Variants in ALK observed in about 807,000 individuals in gnomAD.
ALK encodes ALK receptor tyrosine kinase.
In ALK, 74 loss-of-function variants were observed where a neutral mutation model predicts 163.1. The ratio of observed to expected loss-of-function variants is 0.45; its 90% confidence interval spans 0.38 to 0.55. ALK has a LOEUF of 0.55. Among genes scored for constraint, ALK ranks in the 20% least tolerant of loss-of-function variants. ALK has a pLI of 0.00. For synonymous variants in ALK, 960 were observed against 843.2 expected (o/e 1.14, Z -2.40); for missense variants, 2,063 against 2,105.3 (o/e 0.98, Z 0.39).
intron 1 of ALK, among the ~76,000 whole-genome samples, chr2:29,823,032 AG>A (rs1309459114): frequency 6.6e-6 from 1 of 152,134 alleles, no homozygotes; most frequent in Admixed American, 6.5e-5. Flanking sequence ...GTGTTATGGG[AG>A]GGACCCCATG....
intron 2 of ALK, among the ~76,000 whole-genome samples, chr2:29,703,940 C>T (rs1304720545): frequency 6.6e-6 from 1 of 152,148 alleles, no homozygotes; most frequent in Non-Finnish European, 1.5e-5. Flanking sequence ...TTCTGAATGT[C>T]ACCTCTTCAG....
intron 4 of ALK, among the ~76,000 whole-genome samples, chr2:29,503,682 T>C (rs891896619): frequency 6.6e-6 from 1 of 152,080 alleles, no homozygotes. Flanking sequence ...GGCAGAGACC[T>C]AAAACAGCTG....
At position 29,296,987 on chromosome 2, in the gene ALK, G is replaced by A. The variant is rs1666205088; in HGVS notation, c.1718C>T (p.Thr573Ile). 11 of 1,614,192 alleles carry A rather than the reference G, an allele frequency of 6.8e-6. No individual in the cohort carries two copies. In the East Asian group the frequency reaches 2.5e-4, roughly 36 times the overall value. Residue 573 changes from threonine to isoleucine, a missense_variant, in exon 9 of 29, where the codon ACC becomes ATC. Coordinates refer to ENST00000389048, the MANE Select transcript of ALK (RefSeq NM_004304.5). ...GACCATCCTGCCTTGCTCCTTCCCG[G>A]TTTTGTTCTCCACTAGCACCAAGGA... ...NVSLVLVENK[T>I]GKEQGRMVWH... is the part of the protein sequence containing the mutation.
At chr2:29,765,094 C>T (rs1380774159) in intron 1 of ALK, among the ~76,000 whole-genome samples, 5 of 152,134 alleles carry the variant, frequency 3.3e-5, no homozygotes, top group Non-Finnish European at 7.3e-5. Flanking sequence ...TTCCTGAGGC[C>T]TCCCCAGAAG....
intron 8 of ALK, among the ~76,000 whole-genome samples, chr2:29,304,607 G>T (rs1373112969): frequency 6.6e-6 from 1 of 152,082 alleles, no homozygotes; most frequent in Non-Finnish European, 1.5e-5. Context: ...GAATGCACTG[G>T]AACCACCTGC....
intron 3 of ALK, among the ~76,000 whole-genome samples, chr2:29,544,627 A>G (rs1673504562): frequency 6.6e-6 from 1 of 152,006 alleles, no homozygotes; most frequent in Non-Finnish European, 1.5e-5. Context: ...ATAAATATCT[A>G]TGTGTATGTC....
At chr2:29,325,104 T>C (rs1471726907) in intron 6 of ALK, among the ~76,000 whole-genome samples, 1 of 152,052 alleles carries the variant, frequency 6.6e-6, no homozygotes, top group Non-Finnish European at 1.5e-5. Context: ...GGGAGTTGAT[T>C]AAATGCAACC....
At chr2:29,589,041 A>T (rs1447481245) in intron 3 of ALK, among the ~76,000 whole-genome samples, 1 of 152,178 alleles carries the variant, frequency 6.6e-6, no homozygotes, top group Non-Finnish European at 1.5e-5. Flanking sequence ...TAGCCTGAAC[A>T]CACACATGAG....
chr2:29,360,047 A>G (rs1044023624), intron 5 of ALK, among the ~76,000 whole-genome samples: 11 of 152,208 alleles, frequency 7.2e-5, no homozygotes, highest in Admixed American at 2.0e-4. Context: ...ATGGCTATCT[A>G]GAACCTTTTT....
intron 3 of ALK, among the ~76,000 whole-genome samples, chr2:29,663,815 C>T (rs778152091): frequency 9.2e-5 from 14 of 152,022 alleles, no homozygotes; most frequent in South Asian, 2.1e-4. Flanking sequence ...TAGTCTGTAA[C>T]CTATTATGTT....
At chr2:29,301,904 G>A (rs6742676) in intron 8 of ALK, among the ~76,000 whole-genome samples, 112,953 of 152,104 alleles carry the variant, frequency 0.74, 43,027 homozygotes, top group East Asian at 0.84. Context: ...ATCCTTCCTG[G>A]GATTAGTCCT....
chr2:29,467,174 G>A (rs943795828), intron 4 of ALK, among the ~76,000 whole-genome samples: 1 of 151,390 alleles, frequency 6.6e-6, no homozygotes, highest in Non-Finnish European at 1.5e-5. Flanking sequence ...TTGGGATCAT[G>A]AGGACCAAGA....
At chr2:29,493,336 G>A (rs1284740803) in intron 4 of ALK, among the ~76,000 whole-genome samples, 6 of 152,080 alleles carry the variant, frequency 3.9e-5, no homozygotes, top group Admixed American at 6.6e-5. Flanking sequence ...TCCTAATTTC[G>A]CCTCATCCCC....
At chr2:29,477,847 C>T (rs1001800138) in intron 4 of ALK, among the ~76,000 whole-genome samples, 7 of 152,162 alleles carry the variant, frequency 4.6e-5, no homozygotes, top group Non-Finnish European at 8.8e-5. Context: ...GAAATCAGAG[C>T]TGAATGTGAA....
At chr2:29,556,465 G>A (rs533251168) in intron 3 of ALK, among the ~76,000 whole-genome samples, 3 of 152,246 alleles carry the variant, frequency 2.0e-5, no homozygotes, top group South Asian at 4.1e-4. Context: ...TTGTGTTACT[G>A]TCAAGACAAC....
chr2:29,232,169 T>C, intron 15 of ALK, 135 bp downstream of exon 15: 2 of 1,274,314 alleles, frequency 1.6e-6, no homozygotes, highest in Non-Finnish European at 2.3e-6. Flanking sequence ...CCTCCCTGGA[T>C]ATCGGTACCA....
At chr2:29,236,913 C>T (rs1005665411) in intron 13 of ALK, among the ~76,000 whole-genome samples, 1 of 152,180 alleles carries the variant, frequency 6.6e-6, no homozygotes, top group Non-Finnish European at 1.5e-5. Flanking sequence ...TGTCTCCCAT[C>T]GTCCACCTGT....
chr2:29,543,399 T>G (rs750891157), intron 3 of ALK, among the ~76,000 whole-genome samples: 1 of 152,242 alleles, frequency 6.6e-6, no homozygotes, highest in Non-Finnish European at 1.5e-5. Context: ...ATAATTTGCC[T>G]GATGGACAGT....
intron 3 of ALK, among the ~76,000 whole-genome samples, chr2:29,616,892 C>T (rs1675863204): frequency 6.6e-6 from 1 of 152,152 alleles, no homozygotes; most frequent in African/African-American, 2.4e-5. Context: ...AAAGCCCTGC[C>T]CCAAAGTGAA....
Sources: gnomAD v4.1 joint callset for allele counts (sites outside exome capture counted in the v4.1 genomes callset) on GRCh38, gnomAD v4.1.1 for gene constraint, MANE v1.5 for transcripts, NCBI Gene and HGNC (gene_info 2026-07-23, HGNC 2026-07-21) for gene names.